AGBL1: variants seen among roughly 807,000 people sequenced by gnomAD.
AGBL1 encodes the protein cytosolic carboxypeptidase 4.
A neutral mutation model predicts 118.9 loss-of-function variants in AGBL1; 130 were observed. The observed-to-expected ratio is 1.09, with a 90% CI of 0.95 to 1.26. AGBL1 has a LOEUF of 1.26. AGBL1 is among the 50% of genes most tolerant of loss of function. The pLI, the probability that AGBL1 is intolerant of heterozygous loss-of-function variation, is 0.00. For missense variants in AGBL1, 1,584 were observed against 1,298.1 expected (o/e 1.22, Z -3.38); for synonymous variants, 555 against 478.9 (o/e 1.16, Z -2.08).
At chr15:86,362,073 CCTTT>C (rs1384214911) in intron 17 of AGBL1, among the ~76,000 whole-genome samples, 1 of 152,008 alleles carries the variant, frequency 6.6e-6, no homozygotes, top group African/African-American at 2.4e-5. Flanking sequence ...TGCTTTGAGT[CCTTT>C]CTTTTTCTCT....
intron 22 of AGBL1, among the ~76,000 whole-genome samples, chr15:86,825,517 T>TTAGAAAATG (rs2078996439): frequency 6.7e-6 from 1 of 149,486 alleles, no homozygotes; most frequent in African/African-American, 2.5e-5. Context: ...AACTGTCCAC[T>TTAGAAAATG]TAGAAAATGG....
intron 5 of AGBL1, among the ~76,000 whole-genome samples, chr15:86,219,172 T>A (rs1451344610): frequency 6.6e-6 from 1 of 152,154 alleles, no homozygotes; most frequent in Non-Finnish European, 1.5e-5. Context: ...GACTGGTGAA[T>A]GATGACCCTG....
chr15:86,711,644 C>A (rs1596394234), intron 22 of AGBL1, among the ~76,000 whole-genome samples: 2 of 152,154 alleles, frequency 1.3e-5, no homozygotes, highest in Admixed American at 1.3e-4. Context: ...TGGCAAAGAA[C>A]AGGAGTTGGC....
rs1343130227 is a variant in AGBL1, at chr15:86,276,724, AAAG to A, written c.2076-2914_2076-2912del. Among the ~76,000 whole-genome samples the A allele has an allele frequency of 1.0e-3, 156 of 152,326 alleles. 1 individual carries two copies. Among genetic ancestry groups the A allele is most frequent in the East Asian group, 5.6e-3 (29 of 5,186 alleles). ...AGACTTAGCTAAATAAGGAAGATGGAAAGGGCTTTCCATACAAAGCAAGAACAT... is the reference window on the plus strand; with the variant it reads ...AGACTTAGCTAAATAAGGAAGATGGAGGCTTTCCATACAAAGCAAGAACAT... On this transcript the variant is annotated intron_variant, in intron 15 of 22. Coordinates refer to ENST00000614907, the MANE Select transcript of AGBL1 (RefSeq NM_001386094.1).
At chr15:86,529,761 C>T (rs1329431859) in intron 19 of AGBL1, among the ~76,000 whole-genome samples, 3 of 151,916 alleles carry the variant, frequency 2.0e-5, no homozygotes, top group Non-Finnish European at 4.4e-5. Context: ...GCGGATCTCT[C>T]GGCAGAAACC....
chr15:86,796,371 C>G (rs1014785679), intron 22 of AGBL1, among the ~76,000 whole-genome samples: 5 of 152,210 alleles, frequency 3.3e-5, no homozygotes, highest in African/African-American at 1.2e-4. Context: ...CACAAGTAAA[C>G]TCTCTGAAAC....
chr15:86,890,957 A>C (rs2080043996), intron 22 of AGBL1, among the ~76,000 whole-genome samples: 1 of 152,100 alleles, frequency 6.6e-6, no homozygotes, highest in Non-Finnish European at 1.5e-5. Flanking sequence ...GTTTAATGGA[A>C]ATAGCATTGA....
At chr15:86,300,872 GA>G (rs1186604330) in intron 17 of AGBL1, among the ~76,000 whole-genome samples, 1 of 152,314 alleles carries the variant, frequency 6.6e-6, no homozygotes, top group East Asian at 1.9e-4. Context: ...GCTGTTCTCA[GA>G]AAAAAGATTT....
chr15:87,018,306 C>T (rs2594338), intron 24 of AGBL1, among the ~76,000 whole-genome samples: 81,932 of 151,656 alleles, frequency 0.54, 24,607 homozygotes, highest in South Asian at 0.72. Flanking sequence ...CCCCAAGAAA[C>T]ATAATCATCG....
chr15:86,131,942 T>A (rs2076825216), intron 1 of AGBL1, among the ~76,000 whole-genome samples: 1 of 138,518 alleles, frequency 7.2e-6, no homozygotes, highest in Non-Finnish European at 1.5e-5. Context: ...AGCAAGACCA[T>A]GTCTCGAAAA....
intron 21 of AGBL1, among the ~76,000 whole-genome samples, chr15:86,650,115 A>T (rs2085345889): frequency 6.7e-6 from 1 of 149,194 alleles, no homozygotes; most frequent in South Asian, 2.1e-4. Flanking sequence ...TTTGTGGCAC[A>T]GGGGGCATTT....
intron 22 of AGBL1, among the ~76,000 whole-genome samples, chr15:86,818,123 A>C (rs1276567657): frequency 6.6e-6 from 1 of 152,116 alleles, no homozygotes; most frequent in Admixed American, 6.6e-5. Context: ...ACACACACAC[A>C]CACATGCGCG....
intron 1 of AGBL1, among the ~76,000 whole-genome samples, chr15:86,129,786 G>C (rs2076795552): frequency 6.6e-6 from 1 of 152,180 alleles, no homozygotes; most frequent in Non-Finnish European, 1.5e-5. Flanking sequence ...GAGAAAGCCT[G>C]CATTAGGGTG....
At chr15:86,534,435 T>C (rs1359138361) in intron 19 of AGBL1, among the ~76,000 whole-genome samples, 1 of 152,198 alleles carries the variant, frequency 6.6e-6, no homozygotes, top group Non-Finnish European at 1.5e-5. Context: ...TTGAGTCTTC[T>C]GCCCTGTGAA....
intron 22 of AGBL1, among the ~76,000 whole-genome samples, chr15:86,736,234 G>T (rs773826919): frequency 6.6e-6 from 1 of 152,044 alleles, no homozygotes; most frequent in Non-Finnish European, 1.5e-5. Flanking sequence ...ACAAAAATTA[G>T]CTGGGTGCGG....
intron 16 of AGBL1, among the ~76,000 whole-genome samples, chr15:86,284,383 A>G (rs1235991028): frequency 6.6e-6 from 1 of 152,194 alleles, no homozygotes; most frequent in Non-Finnish European, 1.5e-5. Flanking sequence ...ATCTGTGAGT[A>G]GATATCTAGA....
intron 22 of AGBL1, among the ~76,000 whole-genome samples, chr15:86,889,795 T>C (rs1171640881): frequency 6.6e-6 from 1 of 152,244 alleles, no homozygotes; most frequent in African/African-American, 2.4e-5. Flanking sequence ...CCGTCTATCA[T>C]TGATGGGCAT....
At chr15:86,774,310 T>C (rs1336928265) in intron 22 of AGBL1, among the ~76,000 whole-genome samples, 1 of 152,158 alleles carries the variant, frequency 6.6e-6, no homozygotes, top group African/African-American at 2.4e-5. Flanking sequence ...ATCTGGCATA[T>C]AATTACAATA....
chr15:86,682,777 A>G (rs556565563), intron 22 of AGBL1, among the ~76,000 whole-genome samples: 30 of 152,156 alleles, frequency 2.0e-4, no homozygotes, highest in Non-Finnish European at 3.7e-4. Flanking sequence ...ATTTATATAT[A>G]AGATAATAAT....
Sources: allele counts gnomAD v4.1 joint callset (sites outside exome capture counted in the v4.1 genomes callset), GRCh38; gene constraint gnomAD v4.1.1; transcripts MANE v1.5; gene names NCBI Gene and HGNC (gene_info 2026-07-23, HGNC 2026-07-21).